The following KIF26B variants were observed in gnomAD, a reference collection of about 807,000 sequenced individuals.
KIF26B encodes kinesin family member 26B, also known as kinesin-like protein KIF26B.
Under a neutral mutation model 151.2 loss-of-function variants are expected in KIF26B, and 63 were observed. That is an observed-to-expected ratio of 0.42 (90% CI 0.34 to 0.51). The LOEUF (loss-of-function observed/expected upper bound fraction) is 0.51. Ranked by LOEUF, KIF26B falls within the 20% of genes least tolerant of loss-of-function variation. The pLI, the probability that KIF26B is intolerant of heterozygous loss-of-function variation, is 0.07. For synonymous variants in KIF26B, 1,357 were observed against 1,262.1 expected, an observed-to-expected ratio of 1.08 and a Z score of -1.59; for missense variants, 2,813 against 2,913.6, an observed-to-expected ratio of 0.97 and a Z score of 0.79.
chr1:245,168,961 C>G (rs1454591591), intron 2 of KIF26B, among the ~76,000 whole-genome samples: 3 of 152,318 alleles, frequency 2.0e-5, no homozygotes, highest in East Asian at 3.9e-4. Flanking sequence ...TTCCCTGACT[C>G]TTATTTCAAA....
At chr1:245,636,223 A>G (rs1440046229) in intron 9 of KIF26B, among the ~76,000 whole-genome samples, 1 of 152,138 alleles carries the variant, frequency 6.6e-6, no homozygotes, top group African/African-American at 2.4e-5. Flanking sequence ...ATTGCCAACT[A>G]TAATTAAAGA....
Position 245,703,128 on chromosome 1 carries a change from T to G in KIF26B, c.*522T>G, listed in dbSNP as rs2044795468. The stretch of plus-strand genomic sequence containing the variant: ...ACAAGAAAAACATTTTGGAAATGTA[T>G]TCACAGCTCTTTTTCTCTTGGTGTT... On this transcript the variant is annotated 3_prime_UTR_variant, in exon 15 of 15. Transcript: ENST00000407071. 6.5e-6 allele frequency: 1 copy of G among 153,324 alleles called. No homozygotes were observed. Among genetic ancestry groups the G allele is most frequent in the African/African-American group, 2.4e-5 (1 of 41,510 alleles). The allele number at this position is 153,324 out of a possible 1,614,324, so 9.5% of individuals were successfully genotyped here. A position where few individuals can be genotyped will look rare whatever the true frequency, so the allele number is the denominator to read the frequency against.
chr1:245,647,877 T>C lies in KIF26B; in HGVS notation c.2258+1597T>C, dbSNP rs537798549. 1.2e-4 allele frequency among the ~76,000 whole-genome samples: 18 copies of C among 152,362 alleles called. No homozygotes were observed. The South Asian group carries it at 3.3e-3, about 28-fold the overall frequency. Reference sequence around the variant, plus strand: ...CATTTCTAGAAATTTGGAATCCTAGTTGGATAAACCCAGAAATGGTTTTCC... The same window carrying C: ...CATTTCTAGAAATTTGGAATCCTAGCTGGATAAACCCAGAAATGGTTTTCC... On this transcript the variant is annotated intron_variant, in intron 10 of 14. Coordinates refer to ENST00000407071, the MANE Select transcript of KIF26B (RefSeq NM_018012.4).
chr1:245,590,605 T>C (rs1235661011), intron 5 of KIF26B, among the ~76,000 whole-genome samples: 1 of 152,024 alleles, frequency 6.6e-6, no homozygotes, highest in Non-Finnish European at 1.5e-5. Context: ...GTAACCCGCG[T>C]CTATAAAAAC....
intron 10 of KIF26B, among the ~76,000 whole-genome samples, chr1:245,682,998 C>T (rs1261000850): frequency 5.9e-5 from 9 of 152,200 alleles, no homozygotes; most frequent in Non-Finnish European, 1.0e-4. Context: ...TATATTCTTA[C>T]ATTGCTCTGG....
Position 245,167,823 on chromosome 1 carries a change from T to C in KIF26B, c.465+11140T>C, listed in dbSNP as rs1668639755. On this transcript the variant is annotated intron_variant, in intron 2 of 14. Coordinates refer to ENST00000407071, the MANE Select transcript of KIF26B (RefSeq NM_018012.4). The surrounding 1 kb of genome is among the most constrained non-coding windows in gnomAD (Gnocchi z 4.2). The stretch of plus-strand genomic sequence containing the variant: ...AGACAGGCAGCGTGGTGATGGGGGC[T>C]GAGGGATAGATGGGAGGAGGATAGA... Among the ~76,000 whole-genome samples the C allele has an allele frequency of 6.6e-6, 1 of 151,580 alleles. No homozygotes were observed. The highest frequency in any genetic ancestry group is 2.1e-4 in the South Asian group (1 of 4,772).
intron 4 of KIF26B, among the ~76,000 whole-genome samples, chr1:245,421,754 T>G (rs915267473): frequency 6.6e-6 from 1 of 151,918 alleles, no homozygotes; most frequent in African/African-American, 2.4e-5. Context: ...GAACATGAGT[T>G]CTCCTTAAAT....
In KIF26B at chr1:245,168,984, T is replaced by C. The variant is rs1668660026; in HGVS notation, c.465+12301T>C. Among the ~76,000 whole-genome samples the C allele has an allele frequency of 3.3e-5, 5 of 152,214 alleles. No individual in the cohort carries two copies. In the South Asian group the frequency reaches 1.0e-3, roughly 32 times the overall value. ...CTCTTATTTCAAATCTAATACTTTGTATTTGAGTCTAAACACAATTCAGGG... is the reference window on the plus strand; with the variant it reads ...CTCTTATTTCAAATCTAATACTTTGCATTTGAGTCTAAACACAATTCAGGG... On this transcript the variant is annotated intron_variant, in intron 2 of 14. Transcript: ENST00000407071.
At chr1:245,333,773 G>A (rs1279431645) in intron 2 of KIF26B, among the ~76,000 whole-genome samples, 6 of 152,260 alleles carry the variant, frequency 3.9e-5, no homozygotes, top group East Asian at 1.9e-4. Flanking sequence ...CGATGCCAGC[G>A]GATCACTTGG....
chr1:245,671,201 C>A (rs1022776966), intron 10 of KIF26B, among the ~76,000 whole-genome samples: 2 of 152,188 alleles, frequency 1.3e-5, no homozygotes, highest in African/African-American at 4.8e-5. Context: ...CTGAATAGTA[C>A]TCCATTGTGT....
Position 245,687,720 on chromosome 1 carries a change from GA to G in KIF26B, c.4739del (p.Lys1580ArgfsTer48). On this transcript the variant is annotated frameshift_variant, in exon 12 of 15. Coordinates refer to ENST00000407071, the MANE Select transcript of KIF26B (RefSeq NM_018012.4). LOFTEE classifies it high-confidence loss of function. The surrounding 1 kb of genome is among the most constrained non-coding windows in gnomAD (Gnocchi z 4.9). ...TPPSKATLEG[K>X]VASPKHCVLA... ...CGCCCTCCAAGGCTACCCTGGAGGG[GA>G]AGGTGGCTTCCCCCAAGCACTGTGT... is the stretch of plus-strand genomic sequence containing the variant. The G allele has an allele frequency of 6.3e-7, 1 of 1,579,890 alleles. No homozygotes were observed. The highest frequency in any genetic ancestry group is 1.2e-5 in the South Asian group (1 of 85,776).
At position 245,607,627 on chromosome 1, in the gene KIF26B, C is replaced by T. The variant is rs745634161; in HGVS notation, c.1558-24C>T. The T allele has an allele frequency of 6.3e-6, 10 of 1,584,622 alleles. No individual in the cohort carries two copies. In the East Asian group the frequency reaches 1.4e-4, roughly 22 times the overall value. On this transcript the variant is annotated intron_variant, in intron 6 of 14. Coordinates refer to ENST00000407071, the MANE Select transcript of KIF26B (RefSeq NM_018012.4). The stretch of plus-strand genomic sequence containing the variant: ...TCCGCTGCGAGGTCCATTCACGGCT[C>T]GTGTCTCCTCTTGTGTCTGACAGGC...
intron 5 of KIF26B, among the ~76,000 whole-genome samples, chr1:245,573,693 A>AG (rs11383232): frequency 0.083 from 12,594 of 152,204 alleles, 614 homozygotes; most frequent in African/African-American, 0.11. Context: ...GGAAAAAAAA[A>AG]GAACAATTTC....
chr1:245,670,185 A>G (rs1165444110), intron 10 of KIF26B, among the ~76,000 whole-genome samples: 1 of 151,048 alleles, frequency 6.6e-6, no homozygotes, highest in Non-Finnish European at 1.5e-5. Flanking sequence ...ACACTTTTTA[A>G]TAAACCTGGG....
chr1:245,452,835 A>G (rs956914551), intron 4 of KIF26B, among the ~76,000 whole-genome samples: 3 of 152,156 alleles, frequency 2.0e-5, no homozygotes, highest in Non-Finnish European at 2.9e-5. Flanking sequence ...GGATACAAAC[A>G]TTTATCATAT....
chr1:245,640,159 A>ATATATATATATATATATATATATG (rs1168172493), intron 9 of KIF26B, among the ~76,000 whole-genome samples: 41 of 34,346 alleles, frequency 1.2e-3, no homozygotes, highest in Admixed American at 5.5e-3. Context: ...ATATATATAT[A>ATATATATATATATATATATATATG]TACCCTGCTA....
At chr1:245,683,029 T>C (rs1177966052) in intron 10 of KIF26B, among the ~76,000 whole-genome samples, 4 of 152,178 alleles carry the variant, frequency 2.6e-5, no homozygotes, top group African/African-American at 9.7e-5. Flanking sequence ...TAGCCCAGCG[T>C]CGCCAAACTT....
intron 4 of KIF26B, among the ~76,000 whole-genome samples, chr1:245,536,275 T>G (rs1661486392): frequency 6.6e-6 from 1 of 152,204 alleles, no homozygotes; most frequent in South Asian, 2.1e-4. Flanking sequence ...TTTATTCATT[T>G]CTTTAAAGAG....
chr1:245,486,493 A>T (rs1369645156), intron 4 of KIF26B, among the ~76,000 whole-genome samples: 1 of 152,180 alleles, frequency 6.6e-6, no homozygotes, highest in Non-Finnish European at 1.5e-5. Context: ...ATACTATCTC[A>T]TTAGTGCTCA....
Sources: allele counts gnomAD v4.1 joint callset (sites outside exome capture counted in the v4.1 genomes callset), GRCh38; gene constraint gnomAD v4.1.1; non-coding constraint Gnocchi (gnomAD v3.1); transcripts MANE v1.5; gene names NCBI Gene and HGNC (gene_info 2026-07-23, HGNC 2026-07-21).